Variants in GPC5 observed in about 807,000 individuals in gnomAD.
The protein encoded by GPC5 is glypican 5.
In GPC5, 47 loss-of-function variants were observed where a neutral mutation model predicts 53.9. The observed-to-expected ratio is 0.87, with a 90% CI of 0.69 to 1.11. The LOEUF (loss-of-function observed/expected upper bound fraction) is 1.11, where lower values mean the gene tolerates loss of function less well. GPC5 is among the 50% of genes most tolerant of loss of function. The pLI is 0.00. For missense variants in GPC5, 748 were observed against 713.1 expected (o/e 1.05, Z -0.56); for synonymous variants, 286 against 263.3 (o/e 1.09, Z -0.84).
chr13:91,825,012 C>A (rs2038554569), intron 5 of GPC5, among the ~76,000 whole-genome samples: 1 of 151,848 alleles, frequency 6.6e-6, no homozygotes, highest in Non-Finnish European at 1.5e-5. Flanking sequence ...TTGTCTTATT[C>A]TAAAGCCTGT....
intron 7 of GPC5, among the ~76,000 whole-genome samples, chr13:92,841,421 A>G (rs1878426025): frequency 6.6e-6 from 1 of 152,152 alleles, no homozygotes; most frequent in South Asian, 2.1e-4. Context: ...AGTGAATACT[A>G]CTTCATTAGT....
intron 6 of GPC5, among the ~76,000 whole-genome samples, chr13:92,143,490 G>C (rs2041845902): frequency 6.6e-6 from 1 of 152,056 alleles, no homozygotes; most frequent in Middle Eastern, 3.2e-3. Context: ...CAGTAGAAAA[G>C]TTTGTCTAAC....
At chr13:92,159,574 A>G (rs1206570923) in intron 7 of GPC5, among the ~76,000 whole-genome samples, 2 of 149,210 alleles carry the variant, frequency 1.3e-5, no homozygotes, top group Admixed American at 1.3e-4. Flanking sequence ...TGCTCTATGT[A>G]ATCACTAATA....
intron 7 of GPC5, among the ~76,000 whole-genome samples, chr13:92,494,059 TTTTTG>T (rs953984634): frequency 2.0e-5 from 2 of 98,364 alleles, no homozygotes; most frequent in Non-Finnish European, 4.1e-5. Flanking sequence ...TTTGTGTTTT[TTTTTG>T]TTTGTTTGTT....
chr13:92,752,801 C>A lies in GPC5; in HGVS notation c.1562-113481C>A, dbSNP rs930930920. On this transcript the variant is annotated intron_variant, in intron 7 of 7. Transcript: ENST00000377067. ...TCCAACGGGCTTAAAAAACAGCGCA[C>A]CACGAGATTATATCCTGCACCTGGC... is the stretch of plus-strand genomic sequence containing the variant. Among the ~76,000 whole-genome samples, 3 of 152,282 alleles carry A rather than the reference C, an allele frequency of 2.0e-5. No individual in the cohort carries two copies. In the East Asian group the frequency reaches 5.8e-4, roughly 30 times the overall value.
At chr13:92,844,482 A>C (rs1050038239) in intron 7 of GPC5, among the ~76,000 whole-genome samples, 10 of 152,122 alleles carry the variant, frequency 6.6e-5, no homozygotes, top group African/African-American at 2.4e-4. Context: ...CTTAAAAATA[A>C]AATAGATTTC....
intron 6 of GPC5, among the ~76,000 whole-genome samples, chr13:92,011,360 A>G (rs984431411): frequency 7.9e-5 from 12 of 152,240 alleles, no homozygotes; most frequent in African/African-American, 2.7e-4. Flanking sequence ...TGTGTTATCC[A>G]TGTGAAATAT....
At chr13:91,478,919 T>G (rs1353762334) in intron 2 of GPC5, among the ~76,000 whole-genome samples, 1 of 98,206 alleles carries the variant, frequency 1.0e-5, no homozygotes, top group South Asian at 4.4e-4. Context: ...ATATATATTC[T>G]TTTTTTTTTC....
At chr13:92,721,599 G>C (rs902826687) in intron 7 of GPC5, 15 of 151,950 alleles carry the variant, frequency 9.9e-5, no homozygotes, top group Non-Finnish European at 1.9e-4. Context: ...CAGAAAAGAA[G>C]TTTTTTGCAA....
chr13:92,164,290 C>T (rs961356161), intron 7 of GPC5, among the ~76,000 whole-genome samples: 3 of 152,136 alleles, frequency 2.0e-5, no homozygotes, highest in Non-Finnish European at 4.4e-5. Context: ...TAAGACAAGA[C>T]AAGTCCCTTC....
intron 7 of GPC5, among the ~76,000 whole-genome samples, chr13:92,856,352 A>C (rs577800810): frequency 9.2e-5 from 14 of 152,082 alleles, no homozygotes; most frequent in Non-Finnish European, 1.9e-4. Context: ...ACCTGTAAAG[A>C]AGAGCCGTCT....
chr13:91,492,839 C>A (rs747563346), intron 2 of GPC5, among the ~76,000 whole-genome samples: 2 of 152,196 alleles, frequency 1.3e-5, no homozygotes, highest in Non-Finnish European at 2.9e-5. Context: ...CTGTCAGCCA[C>A]CCACTCCGTG....
intron 6 of GPC5, among the ~76,000 whole-genome samples, chr13:92,097,821 A>G (rs2041433776): frequency 6.6e-6 from 1 of 152,284 alleles, no homozygotes; most frequent in African/African-American, 2.4e-5. Context: ...TTCATGAAAA[A>G]TGAATGATGA....
intron 7 of GPC5, among the ~76,000 whole-genome samples, chr13:92,258,689 C>T (rs1433694013): frequency 6.6e-6 from 1 of 152,146 alleles, no homozygotes; most frequent in Non-Finnish European, 1.5e-5. Context: ...AAACAGTCTT[C>T]ATCCTAAATA....
intron 5 of GPC5, among the ~76,000 whole-genome samples, chr13:91,762,725 T>G (rs1416746993): frequency 6.6e-6 from 1 of 152,094 alleles, no homozygotes; most frequent in South Asian, 2.1e-4. Flanking sequence ...TTTAAAAAAG[T>G]GTGATTTGAA....
intron 6 of GPC5, among the ~76,000 whole-genome samples, chr13:92,127,809 T>C (rs114380592): frequency 5.9e-5 from 9 of 152,226 alleles, no homozygotes; most frequent in Non-Finnish European, 1.0e-4. Flanking sequence ...TAATGAATTA[T>C]TCATGTGAAA....
At chr13:91,530,428 A>G (rs1457037490) in intron 2 of GPC5, among the ~76,000 whole-genome samples, 4 of 152,226 alleles carry the variant, frequency 2.6e-5, no homozygotes, top group African/African-American at 4.8e-5. Flanking sequence ...AACTGGTTCA[A>G]CTTCTAGTAT....
At chr13:92,336,904 G>C (rs1020552704) in intron 7 of GPC5, among the ~76,000 whole-genome samples, 20 of 152,278 alleles carry the variant, frequency 1.3e-4, no homozygotes, top group African/African-American at 4.8e-4. Context: ...GGCCTCAAGT[G>C]ATCTTCCAGC....
intron 5 of GPC5, among the ~76,000 whole-genome samples, chr13:91,785,510 CAT>C (rs111748955): frequency 0.26 from 39,384 of 152,044 alleles, 5,597 homozygotes; most frequent in African/African-American, 0.35. Flanking sequence ...TATTGATTAA[CAT>C]ATTTATTTTA....
Sources: allele counts gnomAD v4.1 joint callset (sites outside exome capture counted in the v4.1 genomes callset), GRCh38; gene constraint gnomAD v4.1.1; transcripts MANE v1.5; gene names NCBI Gene and HGNC (gene_info 2026-07-23, HGNC 2026-07-21).